DDAH1: variants seen among roughly 807,000 people sequenced by gnomAD.
The protein encoded by DDAH1 is N(G),N(G)-dimethylarginine dimethylaminohydrolase 1.
In DDAH1, 19 loss-of-function variants were observed where a neutral mutation model predicts 28.8. The observed-to-expected ratio is 0.66, with a 90% confidence interval of 0.46 to 0.97. The LOEUF is 0.97. DDAH1 is among the 50% of genes least tolerant of loss of function. DDAH1 has a pLI of 0.00. For synonymous variants in DDAH1, 153 were observed against 154.4 expected, an observed-to-expected ratio of 0.99 and a Z score of 0.07; for missense variants, 326 against 375.9, an observed-to-expected ratio of 0.87 and a Z score of 1.10.
At chr1:85,412,930 G>C (rs1171037363) in intron 1 of DDAH1, among the ~76,000 whole-genome samples, 1 of 152,196 alleles carries the variant, frequency 6.6e-6, no homozygotes, top group Non-Finnish European at 1.5e-5. Flanking sequence ...GAGCCTAGCA[G>C]GTCGAGGTAT....
At chr1:85,575,126 G>A (rs984343976) in intron 1 of DDAH1, among the ~76,000 whole-genome samples, 3 of 152,118 alleles carry the variant, frequency 2.0e-5, no homozygotes, top group Admixed American at 1.3e-4. Flanking sequence ...AGCTACTCAG[G>A]AGGCTAAGGC....
intron 5 of DDAH1, among the ~76,000 whole-genome samples, chr1:85,323,556 G>A (rs1318390928): frequency 6.6e-6 from 1 of 152,192 alleles, no homozygotes; most frequent in East Asian, 1.9e-4. Flanking sequence ...GATTTCGAGT[G>A]TACCATATTA....
intron 1 of DDAH1, among the ~76,000 whole-genome samples, chr1:85,550,570 T>C (rs555300485): frequency 1.3e-5 from 2 of 152,340 alleles, no homozygotes; most frequent in South Asian, 2.1e-4. Context: ...GTCATTTTCA[T>C]AAATGTGTCT....
chr1:85,457,312 C>T (rs1333810573), intron 1 of DDAH1, among the ~76,000 whole-genome samples: 2 of 152,162 alleles, frequency 1.3e-5, no homozygotes, highest in Non-Finnish European at 2.9e-5. Context: ...TTAATTCTCA[C>T]TCAATAATCG....
At chr1:85,324,365 C>G (rs1238988335) in intron 5 of DDAH1, among the ~76,000 whole-genome samples, 1 of 151,718 alleles carries the variant, frequency 6.6e-6, no homozygotes, top group Admixed American at 6.6e-5. Flanking sequence ...TCAGATCTGT[C>G]AGAAAACAGC....
chr1:85,408,466 G>C (rs1213310334), intron 1 of DDAH1, among the ~76,000 whole-genome samples: 1 of 151,974 alleles, frequency 6.6e-6, no homozygotes, highest in African/African-American at 2.4e-5. Context: ...TGATTTACAT[G>C]TTTTCCCTGT....
intron 1 of DDAH1, among the ~76,000 whole-genome samples, chr1:85,427,336 T>C (rs1653454383): frequency 6.6e-6 from 1 of 151,730 alleles, no homozygotes; most frequent in South Asian, 2.1e-4. Context: ...CATTCTGTAC[T>C]ACAGCATGTC....
At chr1:85,513,391 A>G (rs1250843749) in intron 1 of DDAH1, among the ~76,000 whole-genome samples, 1 of 152,240 alleles carries the variant, frequency 6.6e-6, no homozygotes, top group African/African-American at 2.4e-5. Flanking sequence ...CTAAAACCAT[A>G]AAAACCCTAG....
intron 2 of DDAH1, among the ~76,000 whole-genome samples, chr1:85,491,627 G>C (rs928990052): frequency 1.3e-5 from 2 of 152,190 alleles, no homozygotes; most frequent in Non-Finnish European, 2.9e-5. Flanking sequence ...TTCTGTGTTT[G>C]GGTGACATCA....
chr1:85,351,383 T>C (rs1311227305), intron 3 of DDAH1, 123 bp downstream of exon 3: 1 of 769,242 alleles, frequency 1.3e-6, no homozygotes, highest in African/African-American at 1.8e-5. Flanking sequence ...TGTACAAACA[T>C]TACGAATTAT....
chr1:85,329,904 G>A (rs58479963), intron 4 of DDAH1, among the ~76,000 whole-genome samples: 160 of 152,336 alleles, frequency 1.1e-3, no homozygotes, highest in African/African-American at 3.7e-3. Context: ...AGTGGTAACT[G>A]TAGATAACAA....
intron 1 of DDAH1, among the ~76,000 whole-genome samples, chr1:85,421,080 G>A (rs1042859039): frequency 2.0e-5 from 3 of 152,136 alleles, no homozygotes; most frequent in Non-Finnish European, 4.4e-5. Flanking sequence ...CATATCTTGT[G>A]AGAACTCACT....
At chr1:85,345,957 T>C (rs1457474151) in intron 4 of DDAH1, among the ~76,000 whole-genome samples, 3 of 152,232 alleles carry the variant, frequency 2.0e-5, no homozygotes, top group Non-Finnish European at 4.4e-5. Context: ...GATGATTTCA[T>C]TTAAATATAC....
chr1:85,448,400 G>C (rs1037363846), intron 1 of DDAH1, among the ~76,000 whole-genome samples: 1 of 152,176 alleles, frequency 6.6e-6, no homozygotes, highest in Non-Finnish European at 1.5e-5. Flanking sequence ...TTAAGAGTGA[G>C]AGGTTCTGAA....
chr1:85,573,616 G>A (rs961110090), intron 1 of DDAH1, among the ~76,000 whole-genome samples: 37 of 152,170 alleles, frequency 2.4e-4, no homozygotes, highest in African/African-American at 8.0e-4. Context: ...GAGTTCCCAC[G>A]GGATATGGAT....
In DDAH1 at chr1:85,328,349, A is replaced by G. The variant is rs17126049; in HGVS notation, c.598-3466T>C. On this transcript the variant is annotated intron_variant, in intron 4 of 5. Transcript: ENST00000284031. ...CAGGTTGTGACCCCAATTTAGTAAA[A>G]TAGTCCATAAACCCAATGGGCAGAT... Among the ~76,000 whole-genome samples, 1,108 of 152,342 alleles carry G rather than the reference A, an allele frequency of 7.3e-3. 17 individuals are homozygous for G. Among genetic ancestry groups the G allele is most frequent in the African/African-American group, 0.025 (1,027 of 41,572 alleles).
At position 85,393,917 on chromosome 1, in the gene DDAH1, C is replaced by T. The variant is rs544303459; in HGVS notation, c.304-35070G>A. Reference sequence around the variant, plus strand: ...GAAAGAGAAACTATTGAAAAACTGGCAAATAGAGAATCTTATAAAAGCTCT... The same window carrying T: ...GAAAGAGAAACTATTGAAAAACTGGTAAATAGAGAATCTTATAAAAGCTCT... On this transcript the variant is annotated intron_variant, in intron 1 of 5. Coordinates refer to ENST00000284031, the MANE Select transcript of DDAH1 (RefSeq NM_012137.4). 7.8e-4 allele frequency among the ~76,000 whole-genome samples: 119 copies of T among 152,192 alleles called. 1 individual carries two copies. In the Middle Eastern group the frequency reaches 0.01, roughly 13 times the overall value.
intron 1 of DDAH1, among the ~76,000 whole-genome samples, chr1:85,516,776 G>A (rs1288993971): frequency 2.0e-5 from 3 of 151,440 alleles, no homozygotes; most frequent in Non-Finnish European, 4.4e-5. Flanking sequence ...GACTTGCTTG[G>A]CTAGTTAGGC....
intron 2 of DDAH1, among the ~76,000 whole-genome samples, chr1:85,474,759 T>C (rs1184989448): frequency 6.6e-6 from 1 of 152,190 alleles, no homozygotes; most frequent in Non-Finnish European, 1.5e-5. Flanking sequence ...CTCCCCACTC[T>C]CATCAGCCCA....
Sources: gnomAD v4.1 joint callset for allele counts (sites outside exome capture counted in the v4.1 genomes callset) on GRCh38, gnomAD v4.1.1 for gene constraint, MANE v1.5 for transcripts, NCBI Gene and HGNC (gene_info 2026-07-23, HGNC 2026-07-21) for gene names.